The following DIAPH2 variants were observed in gnomAD, a reference collection of about 807,000 sequenced individuals.
DIAPH2 encodes diaphanous related formin 2.
In DIAPH2, 35 loss-of-function variants were observed where a neutral mutation model predicts 92.7. The ratio of observed to expected loss-of-function variants is 0.38; its 90% CI spans 0.29 to 0.50. DIAPH2 has a LOEUF of 0.50. Among genes scored for constraint, DIAPH2 ranks in the 20% least tolerant of loss-of-function variants. The pLI, the probability that DIAPH2 is intolerant of heterozygous loss-of-function variation, is 0.94. For synonymous variants in DIAPH2, 301 were observed against 280.4 expected (o/e 1.07, Z -0.73); for missense variants, 701 against 819.5 (o/e 0.86, Z 1.77).
intron 10 of DIAPH2, among the ~76,000 whole-genome samples, chrX:96,936,152 CTAAT>C (rs2065656070): frequency 9.0e-6 from 1 of 111,181 alleles, no homozygotes; most frequent in African/African-American, 3.3e-5. Context: ...TGTGTAGAAA[CTAAT>C]TATTTTCATA....
chrX:97,412,058 A>G (rs2069880702), intron 25 of DIAPH2, among the ~76,000 whole-genome samples: 1 of 112,037 alleles, frequency 8.9e-6, no homozygotes, highest in South Asian at 3.7e-4. Flanking sequence ...CAGACCTAAT[A>G]GACATCTACA....
chrX:97,117,320 G>C (rs780517309), intron 21 of DIAPH2, among the ~76,000 whole-genome samples: 1 of 111,960 alleles, frequency 8.9e-6, no homozygotes, highest in Admixed American at 9.5e-5. Context: ...AGTTAGCTTA[G>C]TTCTGTATTA....
At chrX:97,460,172 T>A (rs975466921) in intron 26 of DIAPH2, among the ~76,000 whole-genome samples, 10 of 110,963 alleles carry the variant, frequency 9.0e-5, no homozygotes, top group African/African-American at 3.3e-4. Flanking sequence ...GATGTTAGAA[T>A]CCCAACTTCC....
intron 3 of DIAPH2, among the ~76,000 whole-genome samples, chrX:96,753,169 G>A (rs962140110): frequency 1.8e-5 from 2 of 112,050 alleles, no homozygotes; most frequent in African/African-American, 6.5e-5. Context: ...CTGTTCCAGA[G>A]TTGATTCTAC....
intron 26 of DIAPH2, among the ~76,000 whole-genome samples, chrX:97,481,433 A>G (rs993727682): frequency 8.9e-6 from 1 of 111,856 alleles, no homozygotes; most frequent in Non-Finnish European, 1.9e-5. Flanking sequence ...CTGACTTGAC[A>G]GGATTCTTGC....
chrX:97,548,640 A>AT (rs1046161531), intron 26 of DIAPH2, among the ~76,000 whole-genome samples: 2 of 112,075 alleles, frequency 1.8e-5, no homozygotes, highest in South Asian at 7.4e-4. Context: ...GCAATGTAAT[A>AT]TTTTTTTCAT....
chrX:97,191,067 G>A (rs952646255), intron 22 of DIAPH2, among the ~76,000 whole-genome samples: 2 of 110,302 alleles, frequency 1.8e-5, no homozygotes, highest in South Asian at 3.9e-4. Context: ...AGTGGTTCAC[G>A]CCTGTAATCC....
chrX:97,013,912 G>T (rs1312763649), intron 17 of DIAPH2, among the ~76,000 whole-genome samples: 1 of 112,002 alleles, frequency 8.9e-6, no homozygotes, highest in Admixed American at 9.5e-5. Context: ...GGGAAGGAAG[G>T]CGGAATCAGT....
intron 26 of DIAPH2, among the ~76,000 whole-genome samples, chrX:97,456,451 A>T (rs899488073): frequency 2.6e-4 from 29 of 111,691 alleles, no homozygotes; most frequent in Non-Finnish European, 1.7e-4. Flanking sequence ...GTATGTCCCT[A>T]AGTTACTATC....
intron 26 of DIAPH2, among the ~76,000 whole-genome samples, chrX:97,494,866 G>A (rs1043841972): frequency 8.9e-6 from 1 of 112,753 alleles, no homozygotes; most frequent in South Asian, 3.6e-4. Flanking sequence ...TCCTATCACA[G>A]TGGAAGAAGC....
chrX:97,588,996 A>ATATATATATAT (rs2071496603), intron 26 of DIAPH2, among the ~76,000 whole-genome samples: 2 of 31,721 alleles, frequency 6.3e-5, no homozygotes, highest in Non-Finnish European at 6.5e-5. Context: ...ATATTATAGA[A>ATATATATATAT]ATATATATAT....
At chrX:96,908,938 G>C (rs986659392) in intron 5 of DIAPH2, among the ~76,000 whole-genome samples, 2 of 111,677 alleles carry the variant, frequency 1.8e-5, no homozygotes, top group Non-Finnish European at 3.8e-5. Flanking sequence ...GGCACTGGGA[G>C]GGCACAGTAT....
intron 26 of DIAPH2, among the ~76,000 whole-genome samples, chrX:97,572,272 A>G (rs2071375285): frequency 9.0e-6 from 1 of 111,314 alleles, no homozygotes; most frequent in South Asian, 3.8e-4. Flanking sequence ...TGAGAAGTAA[A>G]CCAGCATCTG....
At chrX:97,294,282 A>G (rs779669774) in intron 23 of DIAPH2, among the ~76,000 whole-genome samples, 2 of 112,060 alleles carry the variant, frequency 1.8e-5, no homozygotes, top group Admixed American at 9.5e-5. Flanking sequence ...CTATCTAAGC[A>G]AGATCTCTAT....
intron 17 of DIAPH2, among the ~76,000 whole-genome samples, chrX:97,053,516 T>C (rs943844367): frequency 2.7e-5 from 3 of 111,149 alleles, no homozygotes; most frequent in Non-Finnish European, 5.7e-5. Flanking sequence ...ATATTGGTAC[T>C]AGAATACAGA....
chrX:96,873,647 T>TAC (rs3082738), intron 4 of DIAPH2, among the ~76,000 whole-genome samples: 2,840 of 95,856 alleles, frequency 0.03, 38 homozygotes, highest in African/African-American at 0.046. Context: ...CGTATATATA[T>TAC]ACACACACAC....
chrX:97,492,451 T>TTA (rs769919602), intron 26 of DIAPH2, among the ~76,000 whole-genome samples: 13 of 110,635 alleles, frequency 1.2e-4, no homozygotes, highest in African/African-American at 2.0e-4. Flanking sequence ...TATATCTATA[T>TTA]TATATATATA....
intron 1 of DIAPH2, among the ~76,000 whole-genome samples, chrX:96,705,837 A>G (rs764626796): frequency 7.2e-5 from 8 of 111,723 alleles, no homozygotes; most frequent in African/African-American, 2.6e-4. Flanking sequence ...AGGAGTCCCA[A>G]TGGACCTATT....
At chrX:97,589,220 A>G (rs2147884880) in intron 26 of DIAPH2, among the ~76,000 whole-genome samples, 1 of 97,475 alleles carries the variant, frequency 1.0e-5, no homozygotes, top group East Asian at 3.3e-4. Context: ...GGGAGGCTGA[A>G]ACAGAAGAAT....
Sources: allele counts gnomAD v4.1 joint callset (sites outside exome capture counted in the v4.1 genomes callset), GRCh38; gene constraint gnomAD v4.1.1; transcripts MANE v1.5; gene names NCBI Gene and HGNC (gene_info 2026-07-23, HGNC 2026-07-21).